Variants in LRRC4C observed in about 807,000 individuals in gnomAD.
LRRC4C encodes the protein leucine rich repeat containing 4C, also known as leucine-rich repeat-containing protein 4C.
In LRRC4C, 5 loss-of-function variants were observed where a neutral mutation model predicts 33.6. The ratio of observed to expected loss-of-function variants is 0.15; its 90% CI spans 0.08 to 0.31. The LOEUF is 0.31. Among genes scored for constraint, LRRC4C ranks in the 10% least tolerant of loss-of-function variants. The pLI, the probability that LRRC4C is intolerant of heterozygous loss-of-function variation, is 1.00. For synonymous variants in LRRC4C, 329 were observed against 302.0 expected (o/e 1.09, Z -0.93); for missense variants, 560 against 796.7 (o/e 0.70, Z 3.58).
intron 1 of LRRC4C, among the ~76,000 whole-genome samples, chr11:41,083,572 G>A (rs1455804518): frequency 1.3e-5 from 2 of 152,094 alleles, no homozygotes; most frequent in African/African-American, 2.4e-5. Context: ...GAAGACCCAC[G>A]CTTTCTAATC....
chr11:41,012,497 T>C (rs965280732), intron 1 of LRRC4C, among the ~76,000 whole-genome samples: 3 of 152,196 alleles, frequency 2.0e-5, no homozygotes, highest in Admixed American at 6.5e-5. Context: ...GATTAGGACT[T>C]ACACTGATTC....
chr11:41,323,593 C>T (rs79700474), intron 1 of LRRC4C, among the ~76,000 whole-genome samples: 5 of 152,076 alleles, frequency 3.3e-5, no homozygotes, highest in African/African-American at 7.2e-5. Flanking sequence ...TAGGATTTGC[C>T]GAATGTTACT....
At chr11:40,348,250 T>C (rs2137061886) in intron 3 of LRRC4C, among the ~76,000 whole-genome samples, 1 of 150,274 alleles carries the variant, frequency 6.7e-6, no homozygotes, top group East Asian at 2.0e-4. Context: ...CAATGCAGAG[T>C]TGCTATAAAC....
chr11:41,433,698 C>T (rs1159768805), intron 1 of LRRC4C, among the ~76,000 whole-genome samples: 4 of 152,126 alleles, frequency 2.6e-5, no homozygotes, highest in African/African-American at 9.7e-5. Context: ...CGTTCTTCAG[C>T]TTTGGGACTC....
intron 2 of LRRC4C, among the ~76,000 whole-genome samples, chr11:40,712,291 A>G (rs10768625): frequency 1 from 152,306 of 152,310 alleles, 76,151 homozygotes; most frequent in Non-Finnish European, 1. Flanking sequence ...TGGTTCAAAT[A>G]ACATTTTGAT....
chr11:40,633,165 A>G (rs926820631), intron 3 of LRRC4C, among the ~76,000 whole-genome samples: 7 of 152,266 alleles, frequency 4.6e-5, no homozygotes, highest in Middle Eastern at 3.4e-3. Context: ...ATAGAACACT[A>G]TCAAGTTCAA....
At chr11:41,115,651 C>T (rs1286597589) in intron 1 of LRRC4C, among the ~76,000 whole-genome samples, 2 of 151,978 alleles carry the variant, frequency 1.3e-5, no homozygotes. Flanking sequence ...TATTAATATT[C>T]TGCCTCTAAT....
At chr11:40,850,884 G>A (rs1953452660) in intron 2 of LRRC4C, among the ~76,000 whole-genome samples, 4 of 152,178 alleles carry the variant, frequency 2.6e-5, no homozygotes, top group African/African-American at 9.6e-5. Context: ...GAGCAGTGGT[G>A]GGCTCCGCCC....
intron 2 of LRRC4C, among the ~76,000 whole-genome samples, chr11:40,726,489 G>C (rs554234575): frequency 2.6e-5 from 4 of 152,140 alleles, no homozygotes; most frequent in South Asian, 4.1e-4. Context: ...AAGCAAGATT[G>C]GTTCAACATA....
chr11:41,013,492 G>A (rs1040555727), intron 1 of LRRC4C, among the ~76,000 whole-genome samples: 3 of 152,214 alleles, frequency 2.0e-5, no homozygotes, highest in South Asian at 2.1e-4. Context: ...TAGCGCTGAC[G>A]TATGTTCCTT....
At chr11:40,167,601 A>C (rs1471295410) in intron 5 of LRRC4C, among the ~76,000 whole-genome samples, 1 of 152,284 alleles carries the variant, frequency 6.6e-6, no homozygotes, top group East Asian at 1.9e-4. Context: ...TCTATGACAG[A>C]AAGTTCTCTG....
chr11:41,121,226 C>T (rs778404471), intron 1 of LRRC4C, among the ~76,000 whole-genome samples: 2 of 152,016 alleles, frequency 1.3e-5, no homozygotes, highest in Non-Finnish European at 2.9e-5. Flanking sequence ...TTACAAAAAC[C>T]ATGACATTGT....
chr11:40,569,205 G>C (rs949511864), intron 3 of LRRC4C, among the ~76,000 whole-genome samples: 2 of 152,152 alleles, frequency 1.3e-5, no homozygotes, highest in Non-Finnish European at 2.9e-5. Context: ...TACTGGACAA[G>C]TAATTATTGA....
intron 2 of LRRC4C, among the ~76,000 whole-genome samples, chr11:40,850,633 G>C (rs538826637): frequency 6.6e-6 from 1 of 152,348 alleles, no homozygotes; most frequent in Admixed American, 6.5e-5. Context: ...CAGGCAGTCT[G>C]TCCCTTAGCA....
At chr11:41,410,402 GT>G (rs1336824802) in intron 1 of LRRC4C, among the ~76,000 whole-genome samples, 4,530 of 141,260 alleles carry the variant, frequency 0.032, 242 homozygotes, top group African/African-American at 0.11. Context: ...TAGTGAGAAA[GT>G]TTTTTTTTTT....
intron 4 of LRRC4C, among the ~76,000 whole-genome samples, chr11:40,261,186 C>A (rs1331366406): frequency 1.3e-5 from 2 of 152,040 alleles, no homozygotes; most frequent in African/African-American, 4.8e-5. Context: ...CCTCACCCAG[C>A]CTGAAAACAA....
chr11:40,408,226 C>T (rs1386711392), intron 3 of LRRC4C, among the ~76,000 whole-genome samples: 1 of 151,942 alleles, frequency 6.6e-6, no homozygotes, highest in Non-Finnish European at 1.5e-5. Context: ...TGAATTTCCC[C>T]TCACAATGTT....
intron 2 of LRRC4C, among the ~76,000 whole-genome samples, chr11:40,911,803 G>T (rs981917598): frequency 2.6e-5 from 4 of 152,122 alleles, no homozygotes; most frequent in Non-Finnish European, 5.9e-5. Flanking sequence ...CTTGAAAACA[G>T]ATTACACAAA....
At chr11:41,256,273 T>C (rs1430379076) in intron 1 of LRRC4C, among the ~76,000 whole-genome samples, 2 of 151,804 alleles carry the variant, frequency 1.3e-5, no homozygotes, top group African/African-American at 4.8e-5. Flanking sequence ...AATCAATCCA[T>C]CCAGGAAAAT....
Sources: allele counts gnomAD v4.1 joint callset (sites outside exome capture counted in the v4.1 genomes callset), GRCh38; gene constraint gnomAD v4.1.1; transcripts MANE v1.5; gene names NCBI Gene and HGNC (gene_info 2026-07-23, HGNC 2026-07-21).